ZFR: variants seen among roughly 807,000 people sequenced by gnomAD.
ZFR encodes zinc finger RNA-binding protein.
Under a neutral mutation model 130.7 loss-of-function variants are expected in ZFR, and 19 were observed. The observed-to-expected ratio is 0.15, with a 90% CI of 0.10 to 0.21. The LOEUF is 0.21. ZFR is among the 10% of genes least tolerant of loss of function. The pLI, the probability that ZFR is intolerant of heterozygous loss-of-function variation, is 1.00. For missense variants in ZFR, 872 were observed against 1,321.5 expected (o/e 0.66, Z 5.27); for synonymous variants, 466 against 456.9 (o/e 1.02, Z -0.25).
intron 4 of ZFR, among the ~76,000 whole-genome samples, chr5:32,415,505 TGTGTGTGTGTGCGCGCGC>T (rs1561908233): frequency 4.3e-5 from 4 of 93,864 alleles, no homozygotes; most frequent in African/African-American, 2.1e-4. Flanking sequence ...TGTGTGTGTG[TGTGTGTGTGTGCGCGCGC>T]GCGCGCGCGC....
chr5:32,378,284 G>T (rs1752867687), intron 17 of ZFR, among the ~76,000 whole-genome samples: 1 of 151,940 alleles, frequency 6.6e-6, no homozygotes, highest in South Asian at 2.1e-4. Flanking sequence ...AATAAAATAC[G>T]GCATGTCCAT....
At chr5:32,427,317 C>G (rs1308948042) in intron 2 of ZFR, among the ~76,000 whole-genome samples, 1 of 134,190 alleles carries the variant, frequency 7.5e-6, no homozygotes, top group Non-Finnish European at 1.5e-5. Flanking sequence ...CCCAGGAGGT[C>G]AGGGCTGCAG....
At chr5:32,427,148 G>A (rs558273289) in intron 2 of ZFR, among the ~76,000 whole-genome samples, 1 of 152,092 alleles carries the variant, frequency 6.6e-6, no homozygotes, top group South Asian at 2.1e-4. Flanking sequence ...GCCAGGCACT[G>A]TGGCTGGCTC....
In ZFR at chr5:32,397,346, T is replaced by C; in HGVS notation, c.1714-8A>G. Reference sequence around the variant, plus strand: ...TCCTTCATCATTTCGTACCTTGGTGTGGAAAAAAAATTCAAGAATCATCAT... The same window carrying C: ...TCCTTCATCATTTCGTACCTTGGTGCGGAAAAAAAATTCAAGAATCATCAT... On this transcript the variant is annotated splice_region_variant and splice_polypyrimidine_tract_variant and intron_variant, in intron 9 of 19. Coordinates refer to ENST00000265069, the MANE Select transcript of ZFR (RefSeq NM_016107.5). 1 of 1,604,296 alleles carries C rather than the reference T, an allele frequency of 6.2e-7. No individual in the cohort carries two copies. Among genetic ancestry groups the C allele is most frequent in the Non-Finnish European group, 8.5e-7 (1 of 1,177,380 alleles).
At chr5:32,412,998 T>C (rs940710287) in intron 5 of ZFR, among the ~76,000 whole-genome samples, 1 of 152,036 alleles carries the variant, frequency 6.6e-6, no homozygotes, top group Non-Finnish European at 1.5e-5. Flanking sequence ...GAGACCAGCC[T>C]GCCAACATGG....
chr5:32,407,668 C>T (rs1336198283), intron 5 of ZFR, among the ~76,000 whole-genome samples: 1 of 151,992 alleles, frequency 6.6e-6, no homozygotes, highest in Non-Finnish European at 1.5e-5. Flanking sequence ...TATAGAACAA[C>T]TGTTAAAGAT....
At chr5:32,365,929 T>C (rs1752531229) in intron 17 of ZFR, among the ~76,000 whole-genome samples, 1 of 152,150 alleles carries the variant, frequency 6.6e-6, no homozygotes, top group African/African-American at 2.4e-5. Context: ...CGGATTTTCA[T>C]TTTAAAGTTA....
chr5:32,376,759 G>A (rs1752821212), intron 17 of ZFR, among the ~76,000 whole-genome samples: 1 of 152,116 alleles, frequency 6.6e-6, no homozygotes, highest in African/African-American at 2.4e-5. Flanking sequence ...GGCCAAGGAG[G>A]GCAGATCACC....
chr5:32,372,727 T>A (rs1260281666), intron 17 of ZFR, among the ~76,000 whole-genome samples: 3 of 151,890 alleles, frequency 2.0e-5, no homozygotes, highest in African/African-American at 2.4e-5. Context: ...CCCAGTTACT[T>A]GAAAGGCTGA....
chr5:32,356,400 G>C (rs1219415580), intron 19 of ZFR, among the ~76,000 whole-genome samples: 1 of 152,028 alleles, frequency 6.6e-6, no homozygotes, highest in South Asian at 2.1e-4. Context: ...CACTAGGCTG[G>C]TTTCAGTATT....
At chr5:32,381,757 A>G (rs1752941534) in intron 15 of ZFR, among the ~76,000 whole-genome samples, 1 of 152,182 alleles carries the variant, frequency 6.6e-6, no homozygotes, top group Admixed American at 6.5e-5. Context: ...TCAGATGGAC[A>G]CAGATTCTTC....
chr5:32,412,527 C>T (rs1210843591), intron 5 of ZFR, among the ~76,000 whole-genome samples: 1 of 152,228 alleles, frequency 6.6e-6, no homozygotes, highest in Non-Finnish European at 1.5e-5. Flanking sequence ...CACAAACATA[C>T]ATACACCAAA....
At chr5:32,408,331 A>C (rs1260509419) in intron 5 of ZFR, among the ~76,000 whole-genome samples, 2 of 139,772 alleles carry the variant, frequency 1.4e-5, no homozygotes, top group African/African-American at 5.4e-5. Context: ...AAAAAAAAAA[A>C]AAAAAACTAG....
At chr5:32,380,044 T>A (rs761907707) in intron 16 of ZFR, 31 bp downstream of exon 16, 1 of 1,595,574 alleles carries the variant, frequency 6.3e-7, no homozygotes, top group Non-Finnish European at 8.6e-7. Flanking sequence ...CTCATAAGGC[T>A]ACAAGAAAAA....
chr5:32,388,358 A>C, intron 13 of ZFR, 111 bp downstream of exon 13: 1 of 1,039,176 alleles, frequency 9.6e-7, no homozygotes, highest in African/African-American at 1.6e-5. Context: ...GGCATGGTTA[A>C]AACACATAGA....
At chr5:32,417,616 A>G in intron 4 of ZFR, 32 bp downstream of exon 4, 1 of 1,607,598 alleles carries the variant, frequency 6.2e-7, no homozygotes, top group Non-Finnish European at 8.5e-7. Context: ...TCAATAGTTT[A>G]CAAAGAAACT....
At chr5:32,383,590 T>C (rs1423004314) in intron 15 of ZFR, among the ~76,000 whole-genome samples, 1 of 152,244 alleles carries the variant, frequency 6.6e-6, no homozygotes, top group African/African-American at 2.4e-5. Flanking sequence ...AGGACCATTA[T>C]GCATTAAAGA....
intron 17 of ZFR, among the ~76,000 whole-genome samples, chr5:32,371,195 T>C (rs1752663298): frequency 6.6e-6 from 1 of 151,870 alleles, no homozygotes; most frequent in Non-Finnish European, 1.5e-5. Context: ...CATAGTGAGA[T>C]CTCATCTCTA....
At chr5:32,358,906 A>G (rs1385179913) in intron 19 of ZFR, among the ~76,000 whole-genome samples, 1 of 152,078 alleles carries the variant, frequency 6.6e-6, no homozygotes, top group Non-Finnish European at 1.5e-5. Context: ...TTCTTTTATT[A>G]AAATTTATTA....
Sources: allele counts gnomAD v4.1 joint callset (sites outside exome capture counted in the v4.1 genomes callset), GRCh38; gene constraint gnomAD v4.1.1; transcripts MANE v1.5; gene names NCBI Gene and HGNC (gene_info 2026-07-23, HGNC 2026-07-21).